GALNT13: variants seen among roughly 807,000 people sequenced by gnomAD.
GALNT13 encodes polypeptide N-acetylgalactosaminyltransferase 13.
A neutral mutation model predicts 64.2 loss-of-function variants in GALNT13; 28 were observed. The observed-to-expected ratio is 0.44, with a 90% CI of 0.32 to 0.60. The LOEUF is 0.60. Ranked by LOEUF, GALNT13 falls within the 20% of genes least tolerant of loss-of-function variation. The pLI, the probability that GALNT13 is intolerant of heterozygous loss-of-function variation, is 0.05. For synonymous variants in GALNT13, 214 were observed against 224.6 expected (o/e 0.95, Z 0.42); for missense variants, 577 against 669.8 (o/e 0.86, Z 1.53).
the GALNT13 span, among the ~76,000 whole-genome samples, chr2:153,437,521 G>T: frequency 6.6e-6 from 1 of 152,134 alleles, no homozygotes; most frequent in Non-Finnish European, 1.5e-5. Flanking sequence ...TGTATTGGGT[G>T]CATATATATT....
chr2:153,874,566 C>T (rs1027665414), intron 1 of GALNT13, among the ~76,000 whole-genome samples: 1 of 151,976 alleles, frequency 6.6e-6, no homozygotes, highest in South Asian at 2.1e-4. Context: ...GATATGTAGT[C>T]CCTAGGACAG....
chr2:153,693,261 A>G, the GALNT13 span, among the ~76,000 whole-genome samples: 6 of 152,192 alleles, frequency 3.9e-5, no homozygotes, highest in Admixed American at 3.3e-4. Context: ...ATCACAATAC[A>G]GACTTTTGAA....
chr2:153,445,914 A>G, the GALNT13 span, among the ~76,000 whole-genome samples: 1 of 152,142 alleles, frequency 6.6e-6, no homozygotes, highest in Non-Finnish European at 1.5e-5. Context: ...TGGGATTAAA[A>G]AGATTAGGTG....
chr2:154,026,213 G>A (rs997745405), intron 3 of GALNT13, among the ~76,000 whole-genome samples: 13 of 152,302 alleles, frequency 8.5e-5, no homozygotes, highest in African/African-American at 2.6e-4. Flanking sequence ...TACTAGAGGA[G>A]AGAGATTAAC....
chr2:154,210,052 G>A (rs1313349597), intron 4 of GALNT13, among the ~76,000 whole-genome samples: 1 of 152,082 alleles, frequency 6.6e-6, no homozygotes, highest in Non-Finnish European at 1.5e-5. Flanking sequence ...CTCTGAGTTT[G>A]AATGTTTTAG....
At chr2:153,908,979 T>A (rs1249186542) in intron 2 of GALNT13, among the ~76,000 whole-genome samples, 2 of 152,148 alleles carry the variant, frequency 1.3e-5, no homozygotes, top group Non-Finnish European at 2.9e-5. Context: ...TAAATTGCTT[T>A]GGGCAGTATG....
chr2:153,700,164 T>A, the GALNT13 span, among the ~76,000 whole-genome samples: 1 of 152,160 alleles, frequency 6.6e-6, no homozygotes, highest in Non-Finnish European at 1.5e-5. Context: ...GTTGGCTTCA[T>A]CCCTGGGATG....
chr2:153,325,114 GTTTTTTTTT>G, the GALNT13 span, among the ~76,000 whole-genome samples: 4 of 72,634 alleles, frequency 5.5e-5, no homozygotes, highest in African/African-American at 1.8e-4. Flanking sequence ...CTGGACCTGG[GTTTTTTTTT>G]TTTTTTTTTT....
intron 3 of GALNT13, among the ~76,000 whole-genome samples, chr2:154,002,945 T>C (rs753346449): frequency 6.6e-6 from 1 of 152,208 alleles, no homozygotes; most frequent in Non-Finnish European, 1.5e-5. Flanking sequence ...TATTGCAGTC[T>C]GAAGAAAACT....
At chr2:153,490,613 C>A in the GALNT13 span, among the ~76,000 whole-genome samples, 7 of 152,138 alleles carry the variant, frequency 4.6e-5, no homozygotes. Context: ...GCCTCAACCT[C>A]AACCTTCAAG....
chr2:154,216,053 A>G (rs1156608638), intron 4 of GALNT13, among the ~76,000 whole-genome samples: 2 of 152,046 alleles, frequency 1.3e-5, no homozygotes, highest in Non-Finnish European at 2.9e-5. Flanking sequence ...TTTCTTTACC[A>G]TTTGTTAACT....
At chr2:154,384,635 A>C (rs1448606889) in intron 9 of GALNT13, among the ~76,000 whole-genome samples, 1 of 151,908 alleles carries the variant, frequency 6.6e-6, no homozygotes, top group African/African-American at 2.4e-5. Context: ...ATAAAAATAT[A>C]AGCAAAGGAA....
the GALNT13 span, among the ~76,000 whole-genome samples, chr2:153,643,830 C>T: frequency 6.6e-6 from 1 of 151,868 alleles, no homozygotes; most frequent in East Asian, 1.9e-4. Context: ...ATTGTGTTAC[C>T]ATATCATTTC....
At chr2:153,136,039 C>T in the GALNT13 span, among the ~76,000 whole-genome samples, 1 of 151,910 alleles carries the variant, frequency 6.6e-6, no homozygotes, top group Non-Finnish European at 1.5e-5. Flanking sequence ...GATGTGCTTC[C>T]CTAGAAACTT....
chr2:153,693,979 G>A, the GALNT13 span, among the ~76,000 whole-genome samples: 2 of 152,050 alleles, frequency 1.3e-5, no homozygotes, highest in Admixed American at 6.6e-5. Context: ...GTGGTGGCGG[G>A]CACCTGTAGT....
the GALNT13 span, among the ~76,000 whole-genome samples, chr2:153,414,393 A>AT: frequency 3.7e-4 from 56 of 151,810 alleles, 1 homozygote; most frequent in African/African-American, 4.6e-4. Flanking sequence ...AAATAAAAAA[A>AT]AAATAAAATA....
the GALNT13 span, among the ~76,000 whole-genome samples, chr2:153,156,517 C>T: frequency 4.6e-5 from 7 of 152,122 alleles, no homozygotes; most frequent in South Asian, 8.3e-4. Context: ...TCTGGGTGGA[C>T]GATGAAAGTG....
chr2:153,197,973 C>T, the GALNT13 span, among the ~76,000 whole-genome samples: 2 of 152,142 alleles, frequency 1.3e-5, no homozygotes, highest in African/African-American at 4.8e-5. Context: ...GGGCAGCATC[C>T]CTGGTACACT....
At chr2:153,424,138 C>G in the GALNT13 span, among the ~76,000 whole-genome samples, 1 of 150,122 alleles carries the variant, frequency 6.7e-6, no homozygotes, top group Non-Finnish European at 1.5e-5. Flanking sequence ...ATGGCTTGAT[C>G]TGTTCAGTAA....
Sources: allele counts gnomAD v4.1 joint callset (sites outside exome capture counted in the v4.1 genomes callset), GRCh38; gene constraint gnomAD v4.1.1; transcripts MANE v1.5; gene names NCBI Gene and HGNC (gene_info 2026-07-23, HGNC 2026-07-21).